The following DRC11 variants were observed in gnomAD, a reference collection of about 807,000 sequenced individuals.
DRC11 encodes IQ and AAA domain-containing protein 1.
chr2:236,326,102 T>G, the DRC11 span, among the ~76,000 whole-genome samples: 1 of 152,256 alleles, frequency 6.6e-6, no homozygotes, highest in African/African-American at 2.4e-5. Context: ...AAGCCTGGCT[T>G]TTAATCTTGT....
At chr2:236,323,698 C>T in the DRC11 span, among the ~76,000 whole-genome samples, 1 of 152,146 alleles carries the variant, frequency 6.6e-6, no homozygotes, top group Non-Finnish European at 1.5e-5. This position sits in a 1 kb window ranked among gnomAD's most constrained non-coding sequence, Gnocchi z 6.4. Context: ...GTGGTCTAAC[C>T]CCAAACTGTC....
the DRC11 span, among the ~76,000 whole-genome samples, chr2:236,343,332 C>T: frequency 6.6e-6 from 1 of 152,234 alleles, no homozygotes. The surrounding 1 kb of genome is among the most constrained non-coding windows in gnomAD (Gnocchi z 6.6). Flanking sequence ...CAGGCAGCCG[C>T]AAGCACTGAT....
At chr2:236,396,820 C>T in the DRC11 span, among the ~76,000 whole-genome samples, 3 of 152,156 alleles carry the variant, frequency 2.0e-5, no homozygotes, top group Admixed American at 6.5e-5. Context: ...TTTATTGAGC[C>T]GATTATAGGC....
chr2:236,395,478 C>T, the DRC11 span, among the ~76,000 whole-genome samples: 1 of 152,206 alleles, frequency 6.6e-6, no homozygotes, highest in South Asian at 2.1e-4. Context: ...GCTCTGCACT[C>T]CCTTAGATTT....
At chr2:236,403,427 G>A in the DRC11 span, among the ~76,000 whole-genome samples, 1 of 151,930 alleles carries the variant, frequency 6.6e-6, no homozygotes, top group Non-Finnish European at 1.5e-5. Flanking sequence ...GGAGCTTGGA[G>A]TTGGCTTATG....
chr2:236,373,629 TG>T, the DRC11 span, among the ~76,000 whole-genome samples: 19 of 152,342 alleles, frequency 1.2e-4, no homozygotes, highest in East Asian at 3.7e-3. Context: ...GGGAAGTTAA[TG>T]TTTTCTTATT....
At chr2:236,307,269 C>T in the DRC11 span, among the ~76,000 whole-genome samples, 3 of 152,108 alleles carry the variant, frequency 2.0e-5, no homozygotes, top group South Asian at 2.1e-4. The surrounding 1 kb of genome is among the most constrained non-coding windows in gnomAD (Gnocchi z 7.0). Flanking sequence ...CCATACAGAG[C>T]GCACATCTCA....
the DRC11 span, chr2:236,377,086 A>C: frequency 6.8e-7 from 1 of 1,463,744 alleles, no homozygotes. This position sits in a 1 kb window ranked among gnomAD's most constrained non-coding sequence, Gnocchi z 4.9. Flanking sequence ...TACATGTATT[A>C]TTCTCTGTGT....
At chr2:236,474,570 G>A in the DRC11 span, among the ~76,000 whole-genome samples, 1 of 152,130 alleles carries the variant, frequency 6.6e-6, no homozygotes, top group African/African-American at 2.4e-5. Flanking sequence ...AAAATTTCAT[G>A]TTAAACTTAG....
At chr2:236,377,216 G>A in the DRC11 span, 1 of 1,378,808 alleles carries the variant, frequency 7.3e-7, no homozygotes, top group South Asian at 1.2e-5. This position sits in a 1 kb window ranked among gnomAD's most constrained non-coding sequence, Gnocchi z 4.9. Context: ...CTGTTCCAGA[G>A]GCACACACAC....
At chr2:236,363,763 A>G in the DRC11 span, 2 of 1,576,518 alleles carry the variant, frequency 1.3e-6, no homozygotes, top group Non-Finnish European at 1.7e-6. This position sits in a 1 kb window ranked among gnomAD's most constrained non-coding sequence, Gnocchi z 5.6. Flanking sequence ...TTGGAAACCA[A>G]GAAATGTAAT....
At chr2:236,416,381 G>A in the DRC11 span, among the ~76,000 whole-genome samples, 2 of 152,034 alleles carry the variant, frequency 1.3e-5, no homozygotes, top group Non-Finnish European at 2.9e-5. Flanking sequence ...ATTTAGCTGT[G>A]AGTGTCAGCA....
chr2:236,307,490 G>T, the DRC11 span, among the ~76,000 whole-genome samples: 1 of 152,210 alleles, frequency 6.6e-6, no homozygotes, highest in Admixed American at 6.5e-5. The surrounding 1 kb of genome is among the most constrained non-coding windows in gnomAD (Gnocchi z 7.0). Context: ...GCCTCACAGT[G>T]ACTTGTCAAG....
the DRC11 span, among the ~76,000 whole-genome samples, chr2:236,418,724 C>T: frequency 3.2e-4 from 49 of 152,250 alleles, no homozygotes; most frequent in East Asian, 3.7e-3. Flanking sequence ...CAGATGTCAG[C>T]GCTAGATGAT....
chr2:236,415,685 A>G, the DRC11 span, among the ~76,000 whole-genome samples: 1 of 152,160 alleles, frequency 6.6e-6, no homozygotes, highest in African/African-American at 2.4e-5. This position sits in a 1 kb window ranked among gnomAD's most constrained non-coding sequence, Gnocchi z 5.7. Context: ...TGATGTTCTT[A>G]AACTTTGCTT....
chr2:236,373,541 G>A, the DRC11 span, among the ~76,000 whole-genome samples: 7 of 152,276 alleles, frequency 4.6e-5, no homozygotes, highest in Admixed American at 1.3e-4. Flanking sequence ...ATGAACCACC[G>A]CGCTTGACCT....
the DRC11 span, among the ~76,000 whole-genome samples, chr2:236,425,742 T>A: frequency 6.6e-6 from 1 of 152,020 alleles, no homozygotes; most frequent in Non-Finnish European, 1.5e-5. Context: ...CCCTATGTTT[T>A]CTTACAGTAG....
chr2:236,399,480 G>A, the DRC11 span: 35 of 1,613,638 alleles, frequency 2.2e-5, no homozygotes, highest in South Asian at 8.8e-5. The surrounding 1 kb of genome is among the most constrained non-coding windows in gnomAD (Gnocchi z 7.0). Context: ...TCCATTTTTC[G>A]TCTTCTTCCT....
chr2:236,399,744 C>T, the DRC11 span, among the ~76,000 whole-genome samples: 29,589 of 152,136 alleles, frequency 0.19, 3,167 homozygotes, highest in Middle Eastern at 0.27. The surrounding 1 kb of genome is among the most constrained non-coding windows in gnomAD (Gnocchi z 7.0). Flanking sequence ...CCCCATGCCC[C>T]GAGTTTGATC....
Sources: allele counts gnomAD v4.1 joint callset (sites outside exome capture counted in the v4.1 genomes callset), GRCh38; gene constraint gnomAD v4.1.1; non-coding constraint Gnocchi (gnomAD v3.1); transcripts MANE v1.5; gene names NCBI Gene and HGNC (gene_info 2026-07-23, HGNC 2026-07-21).